Variants in CSMD1 observed in about 807,000 individuals in gnomAD.
CSMD1 encodes the protein CUB and Sushi multiple domains 1.
In CSMD1, 213 loss-of-function variants were observed where a neutral mutation model predicts 417.5. The ratio of observed to expected loss-of-function variants is 0.51; its 90% CI spans 0.46 to 0.57. The LOEUF is 0.57. Ranked by LOEUF, CSMD1 falls within the 20% of genes least tolerant of loss-of-function variation. CSMD1 has a pLI of 0.00. For synonymous variants in CSMD1, 2,862 were observed against 1,736.8 expected (o/e 1.65, Z -16.11); for missense variants, 6,923 against 4,529.7 (o/e 1.53, Z -15.17).
chr8:3,344,182 G>A (rs900322679), intron 22 of CSMD1, among the ~76,000 whole-genome samples: 5 of 152,188 alleles, frequency 3.3e-5, no homozygotes, highest in African/African-American at 1.2e-4. Flanking sequence ...AACTAGTGGG[G>A]AGACAGGTCA....
intron 3 of CSMD1, among the ~76,000 whole-genome samples, chr8:4,150,033 C>T (rs892768186): frequency 2.6e-5 from 4 of 152,092 alleles, no homozygotes; most frequent in African/African-American, 7.2e-5. Context: ...CAACGCTGCA[C>T]GTAAAAGGCA....
rs565604451 is a variant in CSMD1, at chr8:4,296,531, A to G, written c.415+123422T>C. 2.4e-3 allele frequency among the ~76,000 whole-genome samples: 371 copies of G among 152,174 alleles called. 2 individuals carry two copies. Among genetic ancestry groups the G allele is most frequent in the African/African-American group, 8.6e-3 (356 of 41,550 alleles). ...GAGGGTTTATCTATTTCTGATGTTA[A>G]GCATTATTCACTACTCATAATTCAG... On this transcript the variant is annotated intron_variant, in intron 3 of 69. Coordinates refer to ENST00000635120, the MANE Select transcript of CSMD1 (RefSeq NM_033225.6).
At chr8:3,820,477 C>G (rs997803482) in intron 5 of CSMD1, among the ~76,000 whole-genome samples, 3 of 152,204 alleles carry the variant, frequency 2.0e-5, no homozygotes, top group Non-Finnish European at 2.9e-5. Flanking sequence ...CCTTGTCCCA[C>G]TGGAAGTTTG....
intron 2 of CSMD1, among the ~76,000 whole-genome samples, chr8:4,546,355 G>C (rs1374158050): frequency 1.3e-5 from 2 of 152,164 alleles, no homozygotes; most frequent in African/African-American, 4.8e-5. Flanking sequence ...TGCCCAGATA[G>C]CTGGTAAAAG....
At chr8:4,833,222 A>G (rs1476495031) in intron 1 of CSMD1, among the ~76,000 whole-genome samples, 2 of 152,230 alleles carry the variant, frequency 1.3e-5, no homozygotes, top group Non-Finnish European at 2.9e-5. Flanking sequence ...AAGTGGATTA[A>G]CTGACTCACA....
At chr8:3,873,671 T>C (rs557800159) in intron 5 of CSMD1, among the ~76,000 whole-genome samples, 11 of 152,130 alleles carry the variant, frequency 7.2e-5, no homozygotes, top group Non-Finnish European at 1.3e-4. Context: ...TTTATCTATA[T>C]GACATGTATC....
At chr8:4,077,016 T>G (rs1799855179) in intron 3 of CSMD1, among the ~76,000 whole-genome samples, 1 of 152,140 alleles carries the variant, frequency 6.6e-6, no homozygotes, top group Non-Finnish European at 1.5e-5. Flanking sequence ...TAAGAAAAAT[T>G]GCAACTCTAG....
chr8:3,837,863 A>G (rs1049252072), intron 5 of CSMD1, among the ~76,000 whole-genome samples: 1 of 152,006 alleles, frequency 6.6e-6, no homozygotes, highest in African/African-American at 2.4e-5. Context: ...CTTCATTCCA[A>G]CCTCACAGGA....
chr8:4,443,420 T>A lies in CSMD1; in HGVS notation c.303-23355A>T, dbSNP rs73660820. ...CAGTTCCAAGAAAATTGCAACAATC[T>A]TTATTCATTATTCAACAACACTGAA... On this transcript the variant is annotated intron_variant, in intron 2 of 69. Coordinates refer to ENST00000635120, the MANE Select transcript of CSMD1 (RefSeq NM_033225.6). Among the ~76,000 whole-genome samples the A allele has an allele frequency of 4.7e-3, 721 of 152,118 alleles. 6 individuals are homozygous for A. The highest frequency in any genetic ancestry group is 0.016 in the African/African-American group (680 of 41,388).
At chr8:3,428,887 C>T (rs1407247788) in intron 12 of CSMD1, among the ~76,000 whole-genome samples, 1 of 152,202 alleles carries the variant, frequency 6.6e-6, no homozygotes, top group Non-Finnish European at 1.5e-5. Flanking sequence ...TCATTTGCAG[C>T]AACACGGATG....
intron 26 of CSMD1, among the ~76,000 whole-genome samples, chr8:3,266,029 G>C (rs995867826): frequency 3.3e-5 from 5 of 151,932 alleles, no homozygotes; most frequent in Non-Finnish European, 5.9e-5. Context: ...TCATGAGGTA[G>C]ACATGAGCTG....
At chr8:3,376,146 C>G (rs977401357) in intron 18 of CSMD1, among the ~76,000 whole-genome samples, 4 of 151,898 alleles carry the variant, frequency 2.6e-5, no homozygotes, top group Non-Finnish European at 5.9e-5. Flanking sequence ...TCAATAAATG[C>G]TTGTGGAGAG....
intron 3 of CSMD1, among the ~76,000 whole-genome samples, chr8:4,355,063 C>CCATGA (rs906292674): frequency 6.6e-6 from 1 of 151,792 alleles, no homozygotes; most frequent in Non-Finnish European, 1.5e-5. Context: ...GAGATCGAGA[C>CCATGA]CATCCTGGCT....
chr8:3,786,664 A>T (rs1265916869), intron 5 of CSMD1, among the ~76,000 whole-genome samples: 1 of 152,154 alleles, frequency 6.6e-6, no homozygotes, highest in Non-Finnish European at 1.5e-5. Flanking sequence ...ATGATAAAAT[A>T]CTACAGACTT....
chr8:4,457,137 A>G (rs370224349), intron 2 of CSMD1, among the ~76,000 whole-genome samples: 24 of 152,100 alleles, frequency 1.6e-4, no homozygotes, highest in African/African-American at 3.6e-4. Context: ...AGTTATTCCT[A>G]TACCTTTTGA....
intron 15 of CSMD1, among the ~76,000 whole-genome samples, chr8:3,402,388 G>T (rs1346733186): frequency 6.6e-6 from 1 of 152,098 alleles, no homozygotes; most frequent in Non-Finnish European, 1.5e-5. Flanking sequence ...TGCTGCCACA[G>T]AGTTGGTGTT....
intron 12 of CSMD1, among the ~76,000 whole-genome samples, chr8:3,449,678 T>C (rs1393262398): frequency 1.3e-5 from 2 of 152,090 alleles, no homozygotes; most frequent in Non-Finnish European, 2.9e-5. Flanking sequence ...CAACCATGCC[T>C]GGCTAATTTT....
intron 5 of CSMD1, among the ~76,000 whole-genome samples, chr8:3,874,315 C>T (rs1805674282): frequency 6.6e-6 from 1 of 152,172 alleles, no homozygotes; most frequent in South Asian, 2.1e-4. Flanking sequence ...GAAATACAGG[C>T]TGCGTAACTC....
At chr8:4,553,955 G>C (rs1442574071) in intron 2 of CSMD1, among the ~76,000 whole-genome samples, 1 of 152,108 alleles carries the variant, frequency 6.6e-6, no homozygotes, top group African/African-American at 2.4e-5. Flanking sequence ...AGTCCATTTA[G>C]CCTGTCACGC....
Sources: gnomAD v4.1 joint callset for allele counts (sites outside exome capture counted in the v4.1 genomes callset) on GRCh38, gnomAD v4.1.1 for gene constraint, MANE v1.5 for transcripts, NCBI Gene and HGNC (gene_info 2026-07-23, HGNC 2026-07-21) for gene names.